The following TIAM2 variants were observed in gnomAD, a reference collection of about 807,000 sequenced individuals.
TIAM2 encodes the protein TIAM Rac1 associated GEF 2.
Under a neutral mutation model 152.9 loss-of-function variants are expected in TIAM2, and 80 were observed. The observed-to-expected ratio is 0.52, with a 90% confidence interval of 0.44 to 0.63. The LOEUF is 0.63. TIAM2 is among the 30% of genes least tolerant of loss of function. The pLI is 0.00. For synonymous variants in TIAM2, 804 were observed against 838.0 expected (o/e 0.96, Z 0.70); for missense variants, 1,965 against 2,120.1 (o/e 0.93, Z 1.44).
intron 2 of TIAM2, among the ~76,000 whole-genome samples, chr6:155,111,396 A>G (rs1416340121): frequency 6.6e-6 from 1 of 152,184 alleles, no homozygotes; most frequent in East Asian, 1.9e-4. Flanking sequence ...AGACAAGTTA[A>G]CTATAAAACA....
chr6:155,197,761 A>G (rs544703664), intron 14 of TIAM2, among the ~76,000 whole-genome samples: 52 of 152,150 alleles, frequency 3.4e-4, no homozygotes, highest in African/African-American at 1.2e-3. Context: ...AAACCATCAG[A>G]TCTCGTTTGA....
At chr6:154,998,196 G>C (rs767179622) in intron 1 of TIAM2, among the ~76,000 whole-genome samples, 24 of 152,288 alleles carry the variant, frequency 1.6e-4, no homozygotes, top group Non-Finnish European at 1.5e-5. Flanking sequence ...TCAGGTTTAC[G>C]TGTCTAATCG....
At chr6:155,181,934 A>T (rs1411835646) in intron 12 of TIAM2, among the ~76,000 whole-genome samples, 1 of 152,232 alleles carries the variant, frequency 6.6e-6, no homozygotes, top group East Asian at 1.9e-4. Context: ...ATTGACAGAC[A>T]GTTGGGTTAT....
At chr6:155,176,163 A>G (rs1000583484) in intron 9 of TIAM2, among the ~76,000 whole-genome samples, 2 of 152,174 alleles carry the variant, frequency 1.3e-5, no homozygotes, top group African/African-American at 2.4e-5. Context: ...CAGGCTTCAC[A>G]GTGGCCCTTC....
intron 1 of TIAM2, among the ~76,000 whole-genome samples, chr6:155,003,427 C>T (rs1275780808): frequency 6.6e-6 from 1 of 151,970 alleles, no homozygotes; most frequent in Middle Eastern, 3.2e-3. Flanking sequence ...TTGCAGTGAG[C>T]CGAGATCACA....
In TIAM2 at chr6:155,256,770, T is replaced by TAAAG. The variant is rs1784068011; in HGVS notation, c.4757_4760dup (p.Asp1587GlufsTer23). ...AGACTGTGAAGCAGGGCAGCCCTAC[T>TAAAG]AAAGACATCGAAATTCAGTTCCAGA... On this transcript the variant is annotated frameshift_variant, in exon 27 of 27. Transcript: ENST00000682666. LOFTEE classifies it low-confidence loss of function (END_TRUNC). 2 of 1,614,056 alleles carry TAAAG rather than the reference T, an allele frequency of 1.2e-6. No individual in the cohort carries two copies. Among genetic ancestry groups the TAAAG allele is most frequent in the Non-Finnish European group, 1.7e-6 (2 of 1,180,044 alleles).
intron 2 of TIAM2, among the ~76,000 whole-genome samples, chr6:155,124,385 C>T (rs1309245444): frequency 6.6e-6 from 1 of 151,808 alleles, no homozygotes; most frequent in East Asian, 1.9e-4. Context: ...GGCTGGAGTG[C>T]AACGGCACAA....
Position 155,129,705 on chromosome 6 carries a change from T to G in TIAM2, c.482T>G (p.Val161Gly). 1.2e-6 allele frequency: 2 copies of G among 1,613,960 alleles called. No individual in the cohort carries two copies. The highest frequency in any genetic ancestry group is 2.2e-5 in the East Asian group (1 of 44,866). Residue 161 changes from valine to glycine, a missense_variant, in exon 4 of 27, where the codon GTG (valine) becomes GGG (glycine). Physicochemically the swap from Val to Gly is moderately radical, Grantham distance 109. This residue lies in a region of TIAM2 where 1,025 missense variants were observed against 1,119.4 expected (regional missense o/e 0.92). Coordinates refer to ENST00000682666, the MANE Select transcript of TIAM2 (RefSeq NM_012454.4). This position sits in a 1 kb window ranked among gnomAD's most constrained non-coding sequence, Gnocchi z 4.8. ...PPGEDRKSPR[V>G]LIKTLGKLDG... is the part of the protein sequence containing the mutation. ...GGCGAAGACCGCAAGAGCCCCCGAG[T>G]GCTCATCAAAACGCTGGGGAAGCTG...
At chr6:155,207,046 CT>C (rs1781614039) in intron 14 of TIAM2, among the ~76,000 whole-genome samples, 1 of 152,136 alleles carries the variant, frequency 6.6e-6, no homozygotes, top group South Asian at 2.1e-4. Context: ...CCTGATGAGG[CT>C]CTTCCAGGTG....
At chr6:155,104,774 A>G (rs1019122001) in intron 2 of TIAM2, among the ~76,000 whole-genome samples, 1 of 151,834 alleles carries the variant, frequency 6.6e-6, no homozygotes, top group African/African-American at 2.4e-5. Context: ...AAAAAAAATT[A>G]TAAAGCATAC....
intron 14 of TIAM2, among the ~76,000 whole-genome samples, chr6:155,199,292 G>A (rs1411177803): frequency 6.6e-6 from 1 of 152,018 alleles, no homozygotes; most frequent in Admixed American, 6.6e-5. Context: ...TGGCCAGGCT[G>A]GTCTCGAACT....
intron 14 of TIAM2, among the ~76,000 whole-genome samples, chr6:155,187,803 C>T (rs1459090843): frequency 6.6e-6 from 1 of 152,084 alleles, no homozygotes; most frequent in East Asian, 1.9e-4. Context: ...GTCTCGAACT[C>T]CCAACCTCGG....
chr6:155,144,770 C>G lies in TIAM2; in HGVS notation c.1795C>G (p.Leu599Val). ...CLSNSFGDVY[L>V]FQATSQTDLE... is the part of the protein sequence containing the mutation. ...CAGCAACTCCTTTGGAGATGTCTAC[C>G]TTTTCCAGGTACTGCTGGTACTTTG... is the stretch of plus-strand genomic sequence containing the variant. Residue 599 changes from leucine to valine, a missense_variant, in exon 6 of 27, where the codon CTT (leucine) becomes GTT (valine). Physicochemically the swap from Leu to Val is conservative, Grantham distance 32. Around this residue, in one of 3 missense-constraint regions of TIAM2, gnomAD observed 1,025 missense variants for 1,119.4 expected, o/e 0.92. Coordinates refer to ENST00000682666, the MANE Select transcript of TIAM2 (RefSeq NM_012454.4). 6.2e-7 allele frequency: 1 copy of G among 1,608,950 alleles called. No individual in the cohort carries two copies. The highest frequency in any genetic ancestry group is 8.5e-7 in the Non-Finnish European group (1 of 1,178,180).
At chr6:155,054,175 CAAACA>C (rs146303429) in intron 1 of TIAM2, among the ~76,000 whole-genome samples, 53 of 151,936 alleles carry the variant, frequency 3.5e-4, no homozygotes, top group South Asian at 8.3e-4. Flanking sequence ...CTGCATCTCA[CAAACA>C]AAACAAAACA....
At chr6:155,189,699 G>A (rs971168558) in intron 14 of TIAM2, among the ~76,000 whole-genome samples, 2 of 151,980 alleles carry the variant, frequency 1.3e-5, no homozygotes, top group African/African-American at 4.8e-5. Context: ...AGTTGAATTG[G>A]AAAACACTTG....
At chr6:155,243,215 GTTTGAGA>G (rs1783139173) in intron 16 of TIAM2, among the ~76,000 whole-genome samples, 2 of 152,126 alleles carry the variant, frequency 1.3e-5, no homozygotes, top group Admixed American at 6.5e-5. Flanking sequence ...GAATATGTGA[GTTTGAGA>G]TTCTGTGAAT....
intron 1 of TIAM2, among the ~76,000 whole-genome samples, chr6:155,076,630 TA>T (rs1172507399): frequency 6.6e-6 from 1 of 152,154 alleles, no homozygotes; most frequent in Non-Finnish European, 1.5e-5. Flanking sequence ...CCTGAAAATA[TA>T]ACGTAGGTCA....
chr6:155,033,356 G>T (rs758964166), intron 1 of TIAM2, among the ~76,000 whole-genome samples: 5 of 152,160 alleles, frequency 3.3e-5, no homozygotes, highest in Non-Finnish European at 7.4e-5. Context: ...ACAACTGTTA[G>T]AAAAATAAGA....
chr6:155,166,009 A>G (rs1780427104), intron 9 of TIAM2, among the ~76,000 whole-genome samples: 1 of 152,166 alleles, frequency 6.6e-6, no homozygotes, highest in African/African-American at 2.4e-5. Context: ...TTTCTCATAG[A>G]TTTTATATTA....
Sources: allele counts gnomAD v4.1 joint callset (sites outside exome capture counted in the v4.1 genomes callset), GRCh38; gene constraint gnomAD v4.1.1; regional missense constraint gnomAD v4.1.1; non-coding constraint Gnocchi (gnomAD v3.1); transcripts MANE v1.5; gene names NCBI Gene and HGNC (gene_info 2026-07-23, HGNC 2026-07-21).